Variants in PIR observed in about 807,000 individuals in gnomAD.
PIR encodes the protein pirin.
In PIR, 22 loss-of-function variants were observed where a neutral mutation model predicts 24.2. The observed-to-expected ratio is 0.91, with a 90% CI of 0.65 to 1.30. The LOEUF is 1.30. Ranked by LOEUF, PIR falls within the 50% of genes most tolerant of loss-of-function variation. The probability of loss-of-function intolerance (pLI) is 0.00; values close to 1 mark genes in which losing one functional copy is unlikely to be tolerated. For missense variants in PIR, 220 were observed against 220.3 expected (o/e 1.00, Z 0.01); for synonymous variants, 80 against 79.6 (o/e 1.00, Z -0.03).
intron 5 of PIR, among the ~76,000 whole-genome samples, chrX:15,451,202 A>AT (rs1920963020): frequency 9.0e-6 from 1 of 111,431 alleles, no homozygotes; most frequent in Non-Finnish European, 1.9e-5. Context: ...TAGAAAGCTG[A>AT]TAAGTATATC....
intron 3 of PIR, among the ~76,000 whole-genome samples, chrX:15,479,360 T>C (rs1335140106): frequency 9.1e-6 from 1 of 109,581 alleles, no homozygotes; most frequent in East Asian, 2.8e-4. Flanking sequence ...TTTTTTTTTT[T>C]CTAAGACAAG....
At position 15,385,083 on chromosome X, in the gene PIR, G is replaced by A. The variant is rs376249765; in HGVS notation, c.794C>T (p.Ser265Phe). 2 of 1,187,073 alleles carry A rather than the reference G, an allele frequency of 1.7e-6. No homozygotes were observed. Among genetic ancestry groups the A allele is most frequent in the Non-Finnish European group, 2.3e-6 (2 of 873,903 alleles). ...PFVMNTNEEI[S>F]QAILDFRNAK... Reference sequence around the variant, plus strand: ...GTTTCTGAAATCAAGAATAGCTTGAGAAATCTCTTCATTGGTGTTCATCAC... The same window carrying A: ...GTTTCTGAAATCAAGAATAGCTTGAAAAATCTCTTCATTGGTGTTCATCAC... Residue 265 changes from serine to phenylalanine, a missense_variant, in exon 10 of 10, where the codon TCT (serine) becomes TTT (phenylalanine). Physicochemically the swap from Ser to Phe is radical, Grantham distance 155 (BLOSUM62 -2). Transcript: ENST00000380420.
At chrX:15,466,017 T>G (rs1921566934) in intron 3 of PIR, among the ~76,000 whole-genome samples, 2 of 99,571 alleles carry the variant, frequency 2.0e-5, no homozygotes, top group African/African-American at 7.5e-5. Flanking sequence ...TTTTTTTTTT[T>G]TTTTTTTTTT....
At chrX:15,446,228 A>G (rs1466874599) in intron 5 of PIR, among the ~76,000 whole-genome samples, 1 of 112,276 alleles carries the variant, frequency 8.9e-6, no homozygotes, top group Non-Finnish European at 1.9e-5. Flanking sequence ...CATAAGAAAG[A>G]TAAGAACTTT....
intron 5 of PIR, among the ~76,000 whole-genome samples, chrX:15,442,818 A>G (rs1473734844): frequency 1.8e-5 from 2 of 112,009 alleles, no homozygotes; most frequent in African/African-American, 6.5e-5. Flanking sequence ...AAAAGTTGGA[A>G]GCTAGCAGAG....
intron 3 of PIR, among the ~76,000 whole-genome samples, chrX:15,473,701 C>T (rs1161949303): frequency 9.0e-6 from 1 of 111,012 alleles, no homozygotes; most frequent in Admixed American, 9.5e-5. Context: ...GGATTACAGG[C>T]GCCTGCCACC....
intron 4 of PIR, among the ~76,000 whole-genome samples, chrX:15,456,425 G>C (rs1236720607): frequency 3.6e-5 from 4 of 112,355 alleles, no homozygotes; most frequent in African/African-American, 1.3e-4. Flanking sequence ...GATTGGGCAG[G>C]GGGAGAAGCT....
chrX:15,388,494 C>T (rs1378639317), intron 9 of PIR, among the ~76,000 whole-genome samples: 2 of 112,101 alleles, frequency 1.8e-5, no homozygotes, highest in East Asian at 5.5e-4. Flanking sequence ...CATGAGAGTA[C>T]CAACCTCATA....
At chrX:15,442,211 G>T (rs188829405) in intron 5 of PIR, among the ~76,000 whole-genome samples, 287 of 110,347 alleles carry the variant, frequency 2.6e-3, no homozygotes, top group African/African-American at 8.1e-3. Context: ...TCATTATCAC[G>T]TTTTCATTAT....
chrX:15,413,621 A>G (rs1924819804), intron 6 of PIR, among the ~76,000 whole-genome samples: 1 of 112,202 alleles, frequency 8.9e-6, no homozygotes, highest in African/African-American at 3.2e-5. Context: ...TTGTAACTCC[A>G]CAATCTGAGA....
chrX:15,487,576 C>T (rs1922905663), intron 2 of PIR, among the ~76,000 whole-genome samples: 1 of 111,872 alleles, frequency 8.9e-6, no homozygotes, highest in African/African-American at 3.3e-5. Flanking sequence ...ATAAGAGTGA[C>T]CCATGGAGAA....
chrX:15,413,266 G>C (rs1411640730), intron 6 of PIR, among the ~76,000 whole-genome samples: 4 of 111,495 alleles, frequency 3.6e-5, no homozygotes, highest in Non-Finnish European at 7.5e-5. Context: ...GCCAGAGAAG[G>C]GTCATTGCTA....
chrX:15,459,263 A>T (rs1264994846), intron 4 of PIR, among the ~76,000 whole-genome samples: 3 of 112,019 alleles, frequency 2.7e-5, no homozygotes, highest in African/African-American at 9.7e-5. Flanking sequence ...CAATCACTGA[A>T]TTTGGCAACT....
At chrX:15,465,246 C>A (rs1345675021) in intron 3 of PIR, among the ~76,000 whole-genome samples, 1 of 97,989 alleles carries the variant, frequency 1.0e-5, no homozygotes, top group Non-Finnish European at 2.0e-5. Context: ...TCTTTTACTA[C>A]TTGAAGCAAA....
Position 15,384,853 on chromosome X carries a change from T to A in PIR, c.*151A>T, listed in dbSNP as rs1363913362. On this transcript the variant is annotated 3_prime_UTR_variant, in exon 10 of 10. Coordinates refer to ENST00000380420, the MANE Select transcript of PIR (RefSeq NM_001018109.3). ...TGCATGTGCCAGGAAATATCCTACA[T>A]TTATTGTTACAAAAACCATGTTATC... 2.3e-5 allele frequency: 8 copies of A among 345,625 alleles called. No individual in the cohort carries two copies. Among genetic ancestry groups the A allele is most frequent in the Middle Eastern group, 4.1e-4 (1 of 2,427 alleles). The allele number at this position is 345,625 out of a possible 1,213,427, so 28.5% of individuals were successfully genotyped here. A position where few individuals can be genotyped will look rare whatever the true frequency, so the allele number is the denominator to read the frequency against.
intron 7 of PIR, among the ~76,000 whole-genome samples, chrX:15,400,583 G>A (rs1924343558): frequency 9.0e-6 from 1 of 111,022 alleles, no homozygotes; most frequent in Non-Finnish European, 1.9e-5. Context: ...TGGTCTGTGA[G>A]GAAATCTTAA....
intron 6 of PIR, among the ~76,000 whole-genome samples, chrX:15,412,899 A>C (rs769360171): frequency 9.8e-5 from 11 of 112,034 alleles, no homozygotes; most frequent in Non-Finnish European, 1.9e-4. Flanking sequence ...ACATCAGTGC[A>C]TCACCCTCAG....
chrX:15,480,410 G>T (rs767351210), intron 2 of PIR, among the ~76,000 whole-genome samples: 1 of 112,007 alleles, frequency 8.9e-6, no homozygotes, highest in African/African-American at 3.2e-5. Flanking sequence ...TATGAGAAGC[G>T]CAAAGAGTGG....
At chrX:15,427,693 T>TAC (rs58998460) in intron 5 of PIR, among the ~76,000 whole-genome samples, 2,536 of 103,514 alleles carry the variant, frequency 0.024, 46 homozygotes, top group South Asian at 0.057. Context: ...TGACAGTACA[T>TAC]ACACACACAC....
Sources: allele counts gnomAD v4.1 joint callset (sites outside exome capture counted in the v4.1 genomes callset), GRCh38; gene constraint gnomAD v4.1.1; transcripts MANE v1.5; gene names NCBI Gene and HGNC (gene_info 2026-07-23, HGNC 2026-07-21).